The following NELL1 variants were observed in gnomAD, a reference collection of about 807,000 sequenced individuals.
NELL1 encodes neural EGFL like 1.
NELL1 carries 76 observed loss-of-function variants against 107.4 expected under a neutral mutation model. The ratio of observed to expected loss-of-function variants is 0.71; its 90% confidence interval spans 0.59 to 0.86. The LOEUF (loss-of-function observed/expected upper bound fraction) is 0.86, where lower values mean the gene tolerates loss of function less well. Among genes scored for constraint, NELL1 ranks in the 40% least tolerant of loss-of-function variants. NELL1 has a pLI of 0.00. For synonymous variants in NELL1, 353 were observed against 341.2 expected (o/e 1.03, Z -0.38); for missense variants, 1,024 against 1,005.5 (o/e 1.02, Z -0.25).
chr11:21,379,071 G>C (rs2133765692), intron 15 of NELL1, among the ~76,000 whole-genome samples: 1 of 151,910 alleles, frequency 6.6e-6, no homozygotes, highest in South Asian at 2.1e-4. Flanking sequence ...CAGTTTTTTT[G>C]GTAGGAAATT....
intron 2 of NELL1, among the ~76,000 whole-genome samples, chr11:20,700,401 C>T (rs1457867384): frequency 6.6e-6 from 1 of 151,974 alleles, no homozygotes; most frequent in Non-Finnish European, 1.5e-5. Flanking sequence ...ATTGCTTGAA[C>T]CTGGGAAGCA....
intron 15 of NELL1, among the ~76,000 whole-genome samples, chr11:21,516,898 A>G (rs1020173368): frequency 1.3e-5 from 2 of 151,418 alleles, no homozygotes; most frequent in Non-Finnish European, 2.9e-5. Flanking sequence ...TCCGTCTCCC[A>G]GGGTCAAGCA....
intron 13 of NELL1, among the ~76,000 whole-genome samples, chr11:21,156,631 G>A (rs985086730): frequency 2.6e-5 from 4 of 152,134 alleles, no homozygotes; most frequent in African/African-American, 9.7e-5. Flanking sequence ...TACCCAGCAG[G>A]TGATTATGAG....
intron 14 of NELL1, among the ~76,000 whole-genome samples, chr11:21,276,493 G>A (rs963623958): frequency 1.6e-4 from 25 of 152,032 alleles, no homozygotes; most frequent in Admixed American, 1.2e-3. Context: ...TATAGATTCA[G>A]TGCCATCACC....
intron 14 of NELL1, among the ~76,000 whole-genome samples, chr11:21,323,216 TTAAACTGAGGCTGAAAGCTC>T (rs1309902778): frequency 2.0e-5 from 3 of 152,178 alleles, no homozygotes; most frequent in African/African-American, 7.2e-5. Flanking sequence ...TAACAAATTT[TTAAACTGAGGCTGAAAGCTC>T]TAAACACTAG....
At chr11:21,229,526 C>A (rs1336946563) in intron 14 of NELL1, 72 bp downstream of exon 14, 14 of 1,594,746 alleles carry the variant, frequency 8.8e-6, no homozygotes, top group Non-Finnish European at 1.2e-5. Context: ...GTGCGTCGGA[C>A]CTTCTTGGTA....
At chr11:20,749,132 A>T (rs1205172196) in intron 2 of NELL1, among the ~76,000 whole-genome samples, 2 of 152,116 alleles carry the variant, frequency 1.3e-5, no homozygotes, top group African/African-American at 4.8e-5. Context: ...GGGCTGTTTG[A>T]TCTTGGTTGA....
chr11:21,470,329 C>T (rs1421958711), intron 15 of NELL1, among the ~76,000 whole-genome samples: 2 of 152,056 alleles, frequency 1.3e-5, no homozygotes, highest in African/African-American at 2.4e-5. Flanking sequence ...CTTAGTGTAA[C>T]ATTTTAGGTT....
rs770467289 is a variant in NELL1, at chr11:20,749,958, A to C, written c.185-33722A>C. ...TGAAAATATTATTTATTTTGGGTAA[A>C]TATTTAGGAGTGGAATTGCTGGGAC... On this transcript the variant is annotated intron_variant, in intron 2 of 19. Transcript: ENST00000357134. 4.8e-4 allele frequency among the ~76,000 whole-genome samples: 73 copies of C among 152,124 alleles called. 1 individual carries two copies. Among genetic ancestry groups the C allele is most frequent in the Non-Finnish European group, 1.2e-4 (8 of 67,994 alleles).
At chr11:20,769,121 G>C (rs1416751304) in intron 2 of NELL1, 2 of 152,590 alleles carry the variant, frequency 1.3e-5, no homozygotes, top group Admixed American at 6.5e-5. Flanking sequence ...GGGAGGCGAG[G>C]AGAGACAAGT....
At chr11:21,204,745 G>T (rs1274941470) in intron 13 of NELL1, among the ~76,000 whole-genome samples, 1 of 151,986 alleles carries the variant, frequency 6.6e-6, no homozygotes, top group Non-Finnish European at 1.5e-5. Flanking sequence ...CCCCATCTTT[G>T]TGTATTTATC....
chr11:21,067,746 T>C (rs1853910851), intron 12 of NELL1, among the ~76,000 whole-genome samples: 1 of 152,062 alleles, frequency 6.6e-6, no homozygotes, highest in Non-Finnish European at 1.5e-5. Context: ...TAGAACTCTA[T>C]TCTAGGCCGG....
At chr11:21,343,712 G>A (rs1850625108) in intron 14 of NELL1, among the ~76,000 whole-genome samples, 1 of 152,122 alleles carries the variant, frequency 6.6e-6, no homozygotes, top group Non-Finnish European at 1.5e-5. Flanking sequence ...GTAAATTAAT[G>A]AGCTTCACTG....
intron 10 of NELL1, among the ~76,000 whole-genome samples, chr11:20,939,434 C>T (rs548658495): frequency 8.0e-4 from 121 of 151,978 alleles, no homozygotes; most frequent in African/African-American, 2.7e-3. Context: ...GACCTAGTAG[C>T]GGGGATCCCG....
chr11:21,219,650 T>G (rs1367385492), intron 13 of NELL1, among the ~76,000 whole-genome samples: 1 of 152,224 alleles, frequency 6.6e-6, no homozygotes, highest in Non-Finnish European at 1.5e-5. Flanking sequence ...AGTTGATTTT[T>G]GTATATAGTG....
chr11:21,402,276 C>T (rs182049411), intron 15 of NELL1, among the ~76,000 whole-genome samples: 26 of 151,854 alleles, frequency 1.7e-4, no homozygotes, highest in Admixed American at 1.4e-3. Context: ...TTTGAGTACA[C>T]CCTTTTCCTC....
intron 16 of NELL1, among the ~76,000 whole-genome samples, chr11:21,541,240 T>C (rs4923644): frequency 0.51 from 78,102 of 151,930 alleles, 20,773 homozygotes; most frequent in Non-Finnish European, 0.58. Flanking sequence ...CTGTTGGCCT[T>C]CCATTGTTAT....
intron 13 of NELL1, among the ~76,000 whole-genome samples, chr11:21,172,972 C>T (rs1856638520): frequency 2.0e-5 from 3 of 151,396 alleles, no homozygotes; most frequent in Middle Eastern, 3.4e-3. Flanking sequence ...ATTTATAGAA[C>T]TTTATCTCTG....
intron 12 of NELL1, among the ~76,000 whole-genome samples, chr11:21,104,979 C>A (rs1039157577): frequency 6.6e-6 from 1 of 152,138 alleles, no homozygotes; most frequent in Non-Finnish European, 1.5e-5. Flanking sequence ...ACCCTCATGA[C>A]CTCATCTAAT....
Sources: gnomAD v4.1 joint callset for allele counts (sites outside exome capture counted in the v4.1 genomes callset) on GRCh38, gnomAD v4.1.1 for gene constraint, MANE v1.5 for transcripts, NCBI Gene and HGNC (gene_info 2026-07-23, HGNC 2026-07-21) for gene names.